The following BRINP3 variants were observed in gnomAD, a reference collection of about 807,000 sequenced individuals.
The protein encoded by BRINP3 is BMP/retinoic acid inducible neural specific 3.
Under a neutral mutation model 71.0 loss-of-function variants are expected in BRINP3, and 19 were observed. The ratio of observed to expected loss-of-function variants is 0.27; its 90% CI spans 0.19 to 0.39. The LOEUF is 0.39. BRINP3 is among the 10% of genes least tolerant of loss of function. The pLI is 1.00. For synonymous variants in BRINP3, 380 were observed against 337.7 expected (o/e 1.13, Z -1.37); for missense variants, 959 against 940.8 (o/e 1.02, Z -0.25).
At chr1:190,281,420 C>T in intron 3 of BRINP3, 140 bp downstream of exon 3, 1 of 793,026 alleles carries the variant, frequency 1.3e-6, no homozygotes, top group Non-Finnish European at 2.0e-6. Flanking sequence ...AATAATCACT[C>T]AAAATGTGTT....
intron 2 of BRINP3, among the ~76,000 whole-genome samples, chr1:190,431,021 T>C (rs1261743690): frequency 6.6e-6 from 1 of 152,114 alleles, no homozygotes; most frequent in Non-Finnish European, 1.5e-5. Context: ...TATAGGATAA[T>C]GTGGTAATTA....
chr1:190,217,217 T>C (rs1656489930), intron 6 of BRINP3: 1 of 151,946 alleles, frequency 6.6e-6, no homozygotes, highest in South Asian at 2.1e-4. Flanking sequence ...TGCATTTCCT[T>C]ACAATCATGG....
chr1:190,457,683 G>A (rs1676093928), intron 1 of BRINP3, among the ~76,000 whole-genome samples: 5 of 152,040 alleles, frequency 3.3e-5, no homozygotes, highest in Admixed American at 2.6e-4. Context: ...TTTTATACTG[G>A]TATGAAGCCA....
At position 190,098,970 on chromosome 1, in the gene BRINP3, A is replaced by G. The variant is rs778597901; in HGVS notation, c.1349T>C (p.Leu450Pro). 21 of 1,614,022 alleles carry G rather than the reference A, an allele frequency of 1.3e-5. No individual in the cohort carries two copies. The highest frequency in any genetic ancestry group is 1.7e-5 in the Non-Finnish European group (20 of 1,180,024). The change falls in exon 8 of 8, where the codon CTG (leucine) becomes CCG (proline). Residue 450 changes from leucine (L) to proline (P), a missense_variant. Transcript: ENST00000367462. ...PCTVGDASAC[L>P]TCAPDNRTRC... ...GGTGCGGTTGTCTGGTGCGCATGTC[A>G]GGCAGGCAGAGGCGTCTCCCACTGT... is the stretch of plus-strand genomic sequence containing the variant.
intron 7 of BRINP3, among the ~76,000 whole-genome samples, chr1:190,149,046 C>T (rs1467161404): frequency 1.3e-5 from 2 of 152,166 alleles, no homozygotes; most frequent in Non-Finnish European, 2.9e-5. Flanking sequence ...ACTTCAGAAT[C>T]CTCAATTGTG....
intron 2 of BRINP3, among the ~76,000 whole-genome samples, chr1:190,290,031 T>G (rs1663740113): frequency 6.6e-6 from 1 of 152,058 alleles, no homozygotes; most frequent in South Asian, 2.1e-4. Flanking sequence ...TCATGTGAGC[T>G]AAAATGAAAT....
chr1:190,135,434 A>G (rs1654890379), intron 7 of BRINP3, among the ~76,000 whole-genome samples: 1 of 152,120 alleles, frequency 6.6e-6, no homozygotes, highest in Admixed American at 6.6e-5. Context: ...GAAATTTGTT[A>G]TAATTTTTAA....
chr1:190,246,855 T>C (rs1175448411), intron 4 of BRINP3, among the ~76,000 whole-genome samples: 1 of 151,962 alleles, frequency 6.6e-6, no homozygotes, highest in East Asian at 1.9e-4. Flanking sequence ...AAATCTATTA[T>C]CAGTGAAGAA....
At chr1:190,380,651 T>A (rs987184200) in intron 2 of BRINP3, among the ~76,000 whole-genome samples, 1 of 152,134 alleles carries the variant, frequency 6.6e-6, no homozygotes, top group Non-Finnish European at 1.5e-5. Context: ...AGTAAAAGTA[T>A]CCCAAAGTCA....
At chr1:190,159,847 T>A (rs746456981) in intron 7 of BRINP3, among the ~76,000 whole-genome samples, 15 of 152,048 alleles carry the variant, frequency 9.9e-5, no homozygotes, top group Non-Finnish European at 2.2e-4. Flanking sequence ...AATCCAATGT[T>A]TTCTTTTTAA....
At chr1:190,267,840 A>T (rs1229707997) in intron 3 of BRINP3, among the ~76,000 whole-genome samples, 1 of 152,116 alleles carries the variant, frequency 6.6e-6, no homozygotes, top group Non-Finnish European at 1.5e-5. Flanking sequence ...CCCCCAAAAA[A>T]TTAACATACC....
At chr1:190,298,591 T>A (rs1664430900) in intron 2 of BRINP3, among the ~76,000 whole-genome samples, 1 of 152,140 alleles carries the variant, frequency 6.6e-6, no homozygotes, top group Admixed American at 6.5e-5. Flanking sequence ...TAACCTATAG[T>A]AAGTTTCGAA....
At chr1:190,141,093 A>C (rs1049454765) in intron 7 of BRINP3, among the ~76,000 whole-genome samples, 4 of 152,160 alleles carry the variant, frequency 2.6e-5, no homozygotes, top group Non-Finnish European at 5.9e-5. Flanking sequence ...TAGCATTTTA[A>C]TGCCATGTTT....
At chr1:190,422,311 A>G (rs531266724) in intron 2 of BRINP3, among the ~76,000 whole-genome samples, 1 of 151,970 alleles carries the variant, frequency 6.6e-6, no homozygotes, top group South Asian at 2.1e-4. Flanking sequence ...CATTTTCAGC[A>G]TAGAGATGGT....
At chr1:190,111,988 T>G (rs777364138) in intron 7 of BRINP3, among the ~76,000 whole-genome samples, 3 of 152,034 alleles carry the variant, frequency 2.0e-5, no homozygotes, top group Non-Finnish European at 2.9e-5. Flanking sequence ...AACTCTAAAA[T>G]GAAAGCCAAG....
At chr1:190,208,096 C>A (rs1655670249) in intron 6 of BRINP3, among the ~76,000 whole-genome samples, 1 of 151,872 alleles carries the variant, frequency 6.6e-6, no homozygotes, top group African/African-American at 2.4e-5. Context: ...TACAGGTAAG[C>A]ACTACTACAC....
At chr1:190,297,868 A>G (rs1664373370) in intron 2 of BRINP3, among the ~76,000 whole-genome samples, 1 of 151,484 alleles carries the variant, frequency 6.6e-6, no homozygotes, top group Admixed American at 6.6e-5. Context: ...GTAACAGTAG[A>G]TTGAAAAAAA....
At chr1:190,297,239 A>T (rs1009941458) in intron 2 of BRINP3, among the ~76,000 whole-genome samples, 23 of 152,108 alleles carry the variant, frequency 1.5e-4, no homozygotes, top group Admixed American at 6.6e-5. Context: ...ACCTATTCAT[A>T]TATGGTTATC....
chr1:190,475,633 TTGCCGTGAG>T, intron 1 of BRINP3: 1 of 152,202 alleles, frequency 6.6e-6, no homozygotes, highest in African/African-American at 2.4e-5. Context: ...GGCATAGGCG[TTGCCGTGAG>T]CTGCGGAGAA....
Sources: allele counts gnomAD v4.1 joint callset (sites outside exome capture counted in the v4.1 genomes callset), GRCh38; gene constraint gnomAD v4.1.1; transcripts MANE v1.5; gene names NCBI Gene and HGNC (gene_info 2026-07-23, HGNC 2026-07-21).